The following MRPS6 variants were observed in gnomAD, a reference collection of about 807,000 sequenced individuals.
MRPS6 encodes the protein mitochondrial ribosomal protein S6.
MRPS6 carries 6 observed loss-of-function variants against 13.1 expected under a neutral mutation model. The ratio of observed to expected loss-of-function variants is 0.46; its 90% confidence interval spans 0.25 to 0.91. The LOEUF (loss-of-function observed/expected upper bound fraction) is 0.91, where lower values mean the gene tolerates loss of function less well. MRPS6 is among the 40% of genes least tolerant of loss of function. MRPS6 has a pLI of 0.18. For synonymous variants in MRPS6, 61 were observed against 56.5 expected (o/e 1.08, Z -0.36); for missense variants, 164 against 155.6 (o/e 1.05, Z -0.29).
intron 1 of MRPS6, chr21:34,102,192 A>G (rs1979269063): frequency 3.0e-6 from 3 of 1,000,008 alleles, no homozygotes; most frequent in Non-Finnish European, 2.4e-6. Context: ...TTTGACTCCT[A>G]GGAGAGAATT....
intron 2 of MRPS6, among the ~76,000 whole-genome samples, chr21:34,140,210 A>G (rs910276841): frequency 3.4e-5 from 5 of 147,398 alleles, no homozygotes; most frequent in Non-Finnish European, 6.0e-5. Flanking sequence ...AGCTGAGACT[A>G]TTGATTCGAG....
chr21:34,097,201 G>T (rs1979004857), intron 1 of MRPS6: 1 of 1,614,102 alleles, frequency 6.2e-7, no homozygotes, highest in Admixed American at 1.7e-5. Flanking sequence ...AAAAGTAAGA[G>T]CCTCAGCAAG....
chr21:34,130,820 G>A (rs976123782), intron 2 of MRPS6, among the ~76,000 whole-genome samples: 7 of 152,194 alleles, frequency 4.6e-5, no homozygotes, highest in African/African-American at 1.7e-4. Flanking sequence ...GTGGGTCAAA[G>A]TTACGTGCTT....
chr21:34,079,017 G>A (rs556205057), intron 1 of MRPS6, among the ~76,000 whole-genome samples: 1 of 152,326 alleles, frequency 6.6e-6, no homozygotes, highest in African/African-American at 2.4e-5. Flanking sequence ...TTTGTCTAAA[G>A]GAAGAACTAC....
At chr21:34,090,788 A>G (rs1207933054) in intron 1 of MRPS6, among the ~76,000 whole-genome samples, 3 of 152,172 alleles carry the variant, frequency 2.0e-5, no homozygotes, top group African/African-American at 7.2e-5. Context: ...TGAGGCTCAT[A>G]GAGATGAAGT....
chr21:34,075,417 T>C (rs1989303796), intron 1 of MRPS6, among the ~76,000 whole-genome samples: 2 of 152,224 alleles, frequency 1.3e-5, no homozygotes, highest in Admixed American at 1.3e-4. Context: ...TTTTTTTTTA[T>C]GTCCTGTAAT....
intron 1 of MRPS6, among the ~76,000 whole-genome samples, chr21:34,083,299 C>T (rs1989500532): frequency 6.6e-6 from 1 of 152,242 alleles, no homozygotes; most frequent in South Asian, 2.1e-4. Context: ...GTCGTCTTTG[C>T]TTCCGTTAGA....
chr21:34,104,181 T>C (rs371784778), intron 1 of MRPS6: 1 of 1,000,094 alleles, frequency 1.0e-6, no homozygotes, highest in South Asian at 4.7e-5. Context: ...TTGATCTGAG[T>C]GTTCTGAGCA....
intron 1 of MRPS6, among the ~76,000 whole-genome samples, chr21:34,118,418 A>G (rs545691596): frequency 4.2e-4 from 64 of 152,160 alleles, no homozygotes; most frequent in African/African-American, 1.5e-3. Flanking sequence ...TTGTAAGTGG[A>G]CCTACACAGT....
At chr21:34,106,173 G>A in intron 1 of MRPS6, 1 of 987,776 alleles carries the variant, frequency 1.0e-6, no homozygotes, top group Non-Finnish European at 1.2e-6. Context: ...TCCTTTCTGT[G>A]GTATTTTGTC....
intron 1 of MRPS6, among the ~76,000 whole-genome samples, chr21:34,090,473 G>C (rs1978628495): frequency 6.6e-6 from 1 of 152,210 alleles, no homozygotes; most frequent in Non-Finnish European, 1.5e-5. Context: ...GGAGCTAATA[G>C]TTGATGAGAC....
At chr21:34,085,965 A>G (rs911619219) in intron 1 of MRPS6, among the ~76,000 whole-genome samples, 1 of 152,054 alleles carries the variant, frequency 6.6e-6, no homozygotes, top group African/African-American at 2.4e-5. Context: ...TTAACACCTC[A>G]TGTTCATGTT....
rs562750859 is a variant in MRPS6 at position 34,097,623 on chromosome 21, A to G, written c.45+23878A>G. The G allele has an allele frequency of 2.6e-5, 31 of 1,179,250 alleles. No individual in the cohort carries two copies. The African/African-American group carries it at 4.2e-4, about 16-fold the overall frequency. The allele number at this position is 1,179,250 out of a possible 1,614,324, so 73.0% of individuals were successfully genotyped here. On this transcript the variant is annotated intron_variant, in intron 1 of 2. Transcript: ENST00000399312. ...ATACCAAAGTAAGAAGAGACCAATT[A>G]TTCTCACAGAGCACTTAGAGCAGAA...
chr21:34,139,486 G>C (rs1980834045), intron 2 of MRPS6, among the ~76,000 whole-genome samples: 1 of 152,152 alleles, frequency 6.6e-6, no homozygotes, highest in South Asian at 2.1e-4. Context: ...TCGTTAATAA[G>C]ATATAGGGCC....
rs1569423881 is a variant in MRPS6, at chr21:34,125,526, G to GT, written c.185+47dup. 1.9e-6 allele frequency: 3 copies of GT among 1,607,006 alleles called. No individual in the cohort carries two copies. In the East Asian group the frequency reaches 6.7e-5, roughly 36 times the overall value. On this transcript the variant is annotated intron_variant, in intron 2 of 2. Coordinates refer to ENST00000399312, the MANE Select transcript of MRPS6 (RefSeq NM_032476.4). The stretch of plus-strand genomic sequence containing the variant: ...TTGAAAGACGTTTTTGATAGGCTCA[G>GT]TAAAGAGTACTGTTCAATTACTATT...
At chr21:34,113,069 A>G (rs770851559) in intron 1 of MRPS6, among the ~76,000 whole-genome samples, 5 of 152,218 alleles carry the variant, frequency 3.3e-5, no homozygotes, top group East Asian at 1.9e-4. Context: ...CAGGATGGCT[A>G]TTATGAAAAA....
At chr21:34,081,460 A>AT (rs909187714) in intron 1 of MRPS6, among the ~76,000 whole-genome samples, 1 of 152,146 alleles carries the variant, frequency 6.6e-6, no homozygotes, top group Non-Finnish European at 1.5e-5. Flanking sequence ...AAAAATGCTG[A>AT]TTTTTTTGTT....
Position 34,073,595 on chromosome 21 carries a change from G to T in MRPS6, c.-106G>T, listed in dbSNP as rs562841272. The T allele has an allele frequency of 4.0e-6, 4 of 991,584 alleles. No homozygotes were observed. In the Admixed American group the frequency reaches 9.7e-5, roughly 24 times the overall value. The allele number at this position is 991,584 out of a possible 1,614,324, so 61.4% of individuals were successfully genotyped here. On this transcript the variant is annotated 5_prime_UTR_variant, in exon 1 of 3. Transcript: ENST00000399312. Reference sequence around the variant, plus strand: ...CGGACCGTGCTTTCGCCGCCTGGGAGCCGTCCGGCGCAGCAGTTTCTAGGT... The same window carrying T: ...CGGACCGTGCTTTCGCCGCCTGGGATCCGTCCGGCGCAGCAGTTTCTAGGT...
chr21:34,137,365 C>T (rs1161744239), intron 2 of MRPS6, among the ~76,000 whole-genome samples: 1 of 152,038 alleles, frequency 6.6e-6, no homozygotes, highest in East Asian at 1.9e-4. Flanking sequence ...GTTTTGCATA[C>T]CTTTTGTCTG....
Sources: allele counts gnomAD v4.1 joint callset (sites outside exome capture counted in the v4.1 genomes callset), GRCh38; gene constraint gnomAD v4.1.1; transcripts MANE v1.5; gene names NCBI Gene and HGNC (gene_info 2026-07-23, HGNC 2026-07-21).